SORCS3: variants seen among roughly 807,000 people sequenced by gnomAD.
The protein encoded by SORCS3 is sortilin related VPS10 domain containing receptor 3, also known as VPS10 domain-containing receptor SorCS3.
In SORCS3, 57 loss-of-function variants were observed where a neutral mutation model predicts 146.3. The ratio of observed to expected loss-of-function variants is 0.39; its 90% CI spans 0.31 to 0.49. The LOEUF (loss-of-function observed/expected upper bound fraction) is 0.49. Among genes scored for constraint, SORCS3 ranks in the 20% least tolerant of loss-of-function variants. SORCS3 has a pLI of 0.92. For synonymous variants in SORCS3, 653 were observed against 618.5 expected (o/e 1.06, Z -0.83); for missense variants, 1,341 against 1,575.5 (o/e 0.85, Z 2.52).
chr10:104,984,328 G>C (rs1178562973), intron 4 of SORCS3, among the ~76,000 whole-genome samples: 1 of 152,048 alleles, frequency 6.6e-6, no homozygotes, highest in African/African-American at 2.4e-5. Context: ...AAATTAACAG[G>C]TTTCAGTTTT....
At chr10:104,650,294 G>T (rs1254120315) in intron 1 of SORCS3, among the ~76,000 whole-genome samples, 1 of 152,186 alleles carries the variant, frequency 6.6e-6, no homozygotes, top group Non-Finnish European at 1.5e-5. Flanking sequence ...CCCTGGGAAA[G>T]AAGTGAAAAT....
At chr10:104,696,305 TG>T (rs2016189346) in intron 1 of SORCS3, among the ~76,000 whole-genome samples, 4 of 113,186 alleles carry the variant, frequency 3.5e-5, no homozygotes, top group African/African-American at 1.5e-4. Flanking sequence ...TATACACATA[TG>T]ATATATGATA....
chr10:105,235,787 A>G (rs923812919), intron 20 of SORCS3, among the ~76,000 whole-genome samples: 2 of 151,996 alleles, frequency 1.3e-5, no homozygotes, highest in African/African-American at 4.8e-5. Context: ...TAGAACTGCT[A>G]CTTCTTAGTT....
chr10:104,940,226 ATATATATATATATTTT>A (rs1175871991), intron 3 of SORCS3, among the ~76,000 whole-genome samples: 89 of 34,486 alleles, frequency 2.6e-3, no homozygotes, highest in African/African-American at 8.5e-3. Context: ...ATATATATAT[ATATATATATATATTTT>A]TTTTTTTTTT....
intron 1 of SORCS3, among the ~76,000 whole-genome samples, chr10:104,782,299 C>A (rs1283255781): frequency 1.3e-5 from 2 of 152,096 alleles, no homozygotes; most frequent in Non-Finnish European, 2.9e-5. Context: ...CCATGCTGAG[C>A]CTGCTGTTCA....
At chr10:104,738,629 C>G (rs1040558957) in intron 1 of SORCS3, among the ~76,000 whole-genome samples, 2 of 152,112 alleles carry the variant, frequency 1.3e-5, no homozygotes, top group African/African-American at 2.4e-5. Context: ...CATCTCAAGG[C>G]AGAAGAATGG....
intron 4 of SORCS3, among the ~76,000 whole-genome samples, chr10:105,038,494 G>A (rs1382999327): frequency 6.6e-6 from 1 of 152,056 alleles, no homozygotes; most frequent in East Asian, 1.9e-4. Flanking sequence ...CTTTTAAAAG[G>A]TAGTTTGAGA....
chr10:105,130,539 T>C (rs2056011233), intron 7 of SORCS3, among the ~76,000 whole-genome samples: 1 of 152,030 alleles, frequency 6.6e-6, no homozygotes, highest in African/African-American at 2.4e-5. Context: ...GACCAGTGAG[T>C]GTGCTGACAA....
intron 15 of SORCS3, among the ~76,000 whole-genome samples, chr10:105,200,787 G>T (rs972138700): frequency 1.3e-5 from 2 of 152,142 alleles, no homozygotes; most frequent in African/African-American, 4.8e-5. Context: ...AATTGCTACT[G>T]AAGCCATTTG....
chr10:104,836,381 T>C (rs2018068202), intron 1 of SORCS3, among the ~76,000 whole-genome samples: 1 of 152,140 alleles, frequency 6.6e-6, no homozygotes, highest in Non-Finnish European at 1.5e-5. Flanking sequence ...GTGCTTGGCA[T>C]TGGGCAGGAA....
chr10:104,955,378 A>G (rs1015975863), intron 3 of SORCS3, among the ~76,000 whole-genome samples: 1 of 151,662 alleles, frequency 6.6e-6, no homozygotes, highest in Non-Finnish European at 1.5e-5. Context: ...GGCTGAAAAT[A>G]TTGAGTGTTT....
At chr10:105,040,520 G>C (rs200565831) in intron 4 of SORCS3, among the ~76,000 whole-genome samples, 1 of 152,166 alleles carries the variant, frequency 6.6e-6, no homozygotes, top group South Asian at 2.1e-4. Flanking sequence ...TTTCTACCCC[G>C]GTTAATCTTT....
chr10:104,674,413 A>T (rs983647390), intron 1 of SORCS3, among the ~76,000 whole-genome samples: 29 of 152,150 alleles, frequency 1.9e-4, no homozygotes, highest in African/African-American at 7.0e-4. Context: ...TTTCATTTTG[A>T]TTTTGTGGTC....
intron 3 of SORCS3, among the ~76,000 whole-genome samples, chr10:104,936,122 A>T (rs1376751519): frequency 6.6e-6 from 1 of 152,212 alleles, no homozygotes; most frequent in East Asian, 1.9e-4. Context: ...TAATCATGAC[A>T]GTTTTACCAG....
intron 8 of SORCS3, among the ~76,000 whole-genome samples, chr10:105,143,221 T>C (rs1313795447): frequency 6.6e-6 from 1 of 152,220 alleles, no homozygotes; most frequent in Non-Finnish European, 1.5e-5. Context: ...AAATAATCCA[T>C]ACTTGATACT....
intron 5 of SORCS3, among the ~76,000 whole-genome samples, 158 bp from the exon 6 acceptor site, chr10:105,089,617 G>A (rs2055687490): frequency 6.6e-6 from 1 of 152,178 alleles, no homozygotes; most frequent in Admixed American, 6.5e-5. Flanking sequence ...CCACACTGTG[G>A]GGACTGCCAG....
chr10:104,674,199 T>C (rs2015888472), intron 1 of SORCS3, among the ~76,000 whole-genome samples: 1 of 152,212 alleles, frequency 6.6e-6, no homozygotes, highest in South Asian at 2.1e-4. Flanking sequence ...GAAAATCATA[T>C]AAATGGAATA....
At chr10:104,781,113 T>C (rs553606756) in intron 1 of SORCS3, among the ~76,000 whole-genome samples, 1 of 152,328 alleles carries the variant, frequency 6.6e-6, no homozygotes, top group Non-Finnish European at 1.5e-5. Context: ...GACAACTCTG[T>C]AGGCAGGTGT....
chr10:104,867,441 T>C (rs956203541), intron 2 of SORCS3, among the ~76,000 whole-genome samples: 6 of 151,938 alleles, frequency 3.9e-5, no homozygotes, highest in African/African-American at 9.7e-5. Context: ...TCCCGAGTAG[T>C]TGGGACTACA....
Sources: allele counts gnomAD v4.1 joint callset (sites outside exome capture counted in the v4.1 genomes callset), GRCh38; gene constraint gnomAD v4.1.1; transcripts MANE v1.5; gene names NCBI Gene and HGNC (gene_info 2026-07-23, HGNC 2026-07-21).